The following RIPOR3 variants were observed in gnomAD, a reference collection of about 807,000 sequenced individuals.
The protein encoded by RIPOR3 is RIPOR family member 3, also known as family with sequence similarity 65 member C.
Under a neutral mutation model 114.3 loss-of-function variants are expected in RIPOR3, and 95 were observed. That is an observed-to-expected ratio of 0.83 (90% confidence interval 0.70 to 0.99). The LOEUF is 0.99. Ranked by LOEUF, RIPOR3 falls within the 50% of genes least tolerant of loss-of-function variation. The pLI, the probability that RIPOR3 is intolerant of heterozygous loss-of-function variation, is 0.00. For synonymous variants in RIPOR3, 575 were observed against 543.8 expected, an observed-to-expected ratio of 1.06 and a Z score of -0.80; for missense variants, 1,252 against 1,266.9, an observed-to-expected ratio of 0.99 and a Z score of 0.18.
chr20:50,615,276 C>A (rs919204542), intron 4 of RIPOR3, among the ~76,000 whole-genome samples: 1 of 151,722 alleles, frequency 6.6e-6, no homozygotes, highest in Non-Finnish European at 1.5e-5. Context: ...GTAATCCCAG[C>A]ACTTTGGGAG....
chr20:50,610,902 G>A lies in RIPOR3; in HGVS notation c.377C>T (p.Thr126Met), dbSNP rs140863452. 4.7e-4 allele frequency: 765 copies of A among 1,614,154 alleles called. 9 individuals are homozygous for A. In the East Asian group the frequency reaches 0.012, roughly 24 times the overall value. The part of the protein sequence containing the change: ...LAFYYDLDKQ[T>M]RCVERHIRKM... The stretch of plus-strand genomic sequence containing the variant: ...CCGAATGTGCCTTTCCACACAGCGC[G>A]TTTGCTTCTCCCGGAAAAAGGGAAG... Residue 126 changes from threonine to methionine, a missense_variant, in exon 6 of 22, where the codon ACG becomes ATG. Transcript: ENST00000327979.
Position 50,586,550 on chromosome 20 carries a change from G to A in RIPOR3, c.*682C>T, listed in dbSNP as rs1470449183. On this transcript the variant is annotated 3_prime_UTR_variant, in exon 22 of 22. Coordinates refer to ENST00000327979, the MANE Select transcript of RIPOR3 (RefSeq NM_001290268.2). ...TGCTCAGGGCTCCTGGGCTGATGTG[G>A]TGGCTTCTTCCCTTTGTGCTGCTGA... 1 of 152,772 alleles carries A rather than the reference G, an allele frequency of 6.5e-6. No homozygotes were observed. The highest frequency in any genetic ancestry group is 2.4e-5 in the African/African-American group (1 of 41,440). The allele number at this position is 152,772 out of a possible 1,614,324, so 9.5% of individuals were successfully genotyped here. A position where few individuals can be genotyped will look rare whatever the true frequency, so the allele number is the denominator to read the frequency against.
In RIPOR3 at chr20:50,676,752, G is replaced by C. The variant is rs1214773853; in HGVS notation, c.3+14374C>G. ...ATCAGAAATGGGTTTCTCTATCAGT[G>C]CATCCTCCAGATTCTACTTTTTTTT... On this transcript the variant is annotated intron_variant, in intron 1 of 21. Coordinates refer to ENST00000327979, the MANE Select transcript of RIPOR3 (RefSeq NM_001290268.2). 2.0e-5 allele frequency among the ~76,000 whole-genome samples: 3 copies of C among 149,838 alleles called. No individual in the cohort carries two copies. The East Asian group carries it at 5.9e-4, about 29-fold the overall frequency.
chr20:50,589,084 G>GAAAAAAA lies in RIPOR3; in HGVS notation c.2661+595_2661+601dup, dbSNP rs529410533. Among the ~76,000 whole-genome samples the GAAAAAAA allele has an allele frequency of 1.2e-3, 103 of 89,540 alleles. 2 individuals are homozygous for GAAAAAAA. Among genetic ancestry groups the GAAAAAAA allele is most frequent in the African/African-American group, 4.0e-3 (87 of 21,860 alleles). 58.7% of individuals were successfully genotyped at this position (89,540 alleles called of 152,430 possible). ...GTGACAGAACAAGACTCCATCTCAA[G>GAAAAAAA]AAAAAAAAAAAAAAAAAAAAAAAAA... On this transcript the variant is annotated intron_variant, in intron 20 of 21. Transcript: ENST00000327979.
chr20:50,604,096 C>T (rs930269703), intron 12 of RIPOR3, among the ~76,000 whole-genome samples: 5 of 151,540 alleles, frequency 3.3e-5, no homozygotes, highest in Non-Finnish European at 7.4e-5. Context: ...GCAGGAGAAT[C>T]GCTTGAACCT....
At chr20:50,600,158 C>T (rs550532943) in intron 13 of RIPOR3, among the ~76,000 whole-genome samples, 151 of 152,298 alleles carry the variant, frequency 9.9e-4, no homozygotes, top group African/African-American at 3.4e-3. Flanking sequence ...CTGCCTTGGC[C>T]TCCCAAAGTG....
chr20:50,589,880 C>G, intron 19 of RIPOR3, 111 bp from the exon 20 acceptor site: 1 of 869,268 alleles, frequency 1.2e-6, no homozygotes. Context: ...GCCCATCTTT[C>G]TCTAAACAAC....
chr20:50,587,684 T>G, intron 21 of RIPOR3, 118 bp downstream of exon 21: 1 of 918,790 alleles, frequency 1.1e-6, no homozygotes, highest in South Asian at 1.5e-5. Flanking sequence ...CTGCTAACGG[T>G]GCCCATCCCA....
intron 1 of RIPOR3, among the ~76,000 whole-genome samples, chr20:50,644,277 C>T (rs570822666): frequency 1.3e-5 from 2 of 151,744 alleles, no homozygotes; most frequent in South Asian, 2.1e-4. Flanking sequence ...TGACCCCAAC[C>T]GAAAATTCTT....
At chr20:50,639,806 G>A (rs1391684484) in intron 1 of RIPOR3, among the ~76,000 whole-genome samples, 1 of 152,122 alleles carries the variant, frequency 6.6e-6, no homozygotes. Context: ...GCAGAGTGGG[G>A]CTCTCCAATC....
At chr20:50,678,443 G>A (rs1415375437) in intron 1 of RIPOR3, among the ~76,000 whole-genome samples, 1 of 152,176 alleles carries the variant, frequency 6.6e-6, no homozygotes, top group Non-Finnish European at 1.5e-5. Context: ...CCAGGCCAGA[G>A]TTGGCCACAT....
intron 13 of RIPOR3, among the ~76,000 whole-genome samples, chr20:50,601,632 G>A (rs2083495054): frequency 6.6e-6 from 1 of 152,152 alleles, no homozygotes; most frequent in African/African-American, 2.4e-5. Context: ...AAGCCCTCCT[G>A]TGAACTGAGA....
chr20:50,681,482 G>A (rs2086861657), intron 1 of RIPOR3, among the ~76,000 whole-genome samples: 1 of 152,132 alleles, frequency 6.6e-6, no homozygotes, highest in African/African-American at 2.4e-5. Context: ...CTTGGACGAA[G>A]CCAGAAGAGC....
In RIPOR3 at chr20:50,679,104, CAAAAAAAAAA is replaced by C. The variant is rs1215128742; in HGVS notation, c.3+12012_3+12021del. ...TGGGTGACAAAGCAAGATCCTGTCT[CAAAAAAAAAA>C]AAAAAAAAAAAAAAAAAAAAAATAT... On this transcript the variant is annotated intron_variant, in intron 1 of 21. Coordinates refer to ENST00000327979, the MANE Select transcript of RIPOR3 (RefSeq NM_001290268.2). Among the ~76,000 whole-genome samples the C allele has an allele frequency of 2.5e-4, 9 of 35,982 alleles. 1 individual carries two copies. The East Asian group carries it at 9.9e-3, about 40-fold the overall frequency. The allele number at this position is 35,982 out of a possible 152,430, so 23.6% of individuals were successfully genotyped here. A position where few individuals can be genotyped will look rare whatever the true frequency, so the allele number is the denominator to read the frequency against.
intron 1 of RIPOR3, among the ~76,000 whole-genome samples, chr20:50,661,221 G>A (rs1423012062): frequency 1.3e-5 from 2 of 151,400 alleles, no homozygotes; most frequent in Non-Finnish European, 2.9e-5. Context: ...CTGGGCAACA[G>A]AACGAGACTG....
intron 11 of RIPOR3, among the ~76,000 whole-genome samples, chr20:50,607,674 G>A (rs945712236): frequency 3.3e-5 from 5 of 152,128 alleles, no homozygotes; most frequent in Admixed American, 6.5e-5. Context: ...GGACCCCGAG[G>A]GTGCAGGTGG....
chr20:50,611,797 A>AG (rs2083988209), intron 4 of RIPOR3, among the ~76,000 whole-genome samples: 1 of 152,162 alleles, frequency 6.6e-6, no homozygotes, highest in African/African-American at 2.4e-5. Context: ...CAGGCTTGGC[A>AG]GGCCACGGCG....
chr20:50,593,887 C>A (rs772410045), intron 17 of RIPOR3, among the ~76,000 whole-genome samples: 1 of 152,024 alleles, frequency 6.6e-6, no homozygotes, highest in African/African-American at 2.4e-5. Context: ...TTTCTAGATA[C>A]CCTCGTGGGC....
intron 1 of RIPOR3, among the ~76,000 whole-genome samples, chr20:50,665,283 C>CA (rs546774316): frequency 0.51 from 68,824 of 134,414 alleles, 19,454 homozygotes; most frequent in Non-Finnish European, 0.63. Flanking sequence ...CTAAAAATAC[C>CA]AAAAAAAAAA....
Sources: allele counts gnomAD v4.1 joint callset (sites outside exome capture counted in the v4.1 genomes callset), GRCh38; gene constraint gnomAD v4.1.1; transcripts MANE v1.5; gene names NCBI Gene and HGNC (gene_info 2026-07-23, HGNC 2026-07-21).